GBP7: variants seen among roughly 807,000 people sequenced by gnomAD.
GBP7 encodes guanylate-binding protein 7.
GBP7 carries 43 observed loss-of-function variants against 61.3 expected under a neutral mutation model. That is an observed-to-expected ratio of 0.70 (90% CI 0.55 to 0.91). GBP7 has a LOEUF of 0.91. Ranked by LOEUF, GBP7 falls within the 40% of genes least tolerant of loss-of-function variation. GBP7 has a pLI of 0.00. For missense variants in GBP7, 717 were observed against 740.5 expected (o/e 0.97, Z 0.37); for synonymous variants, 267 against 271.0 (o/e 0.99, Z 0.14).
At chr1:89,151,804 A>G (rs550695721) in intron 5 of GBP7, among the ~76,000 whole-genome samples, 9 of 152,230 alleles carry the variant, frequency 5.9e-5, no homozygotes, top group Middle Eastern at 3.4e-3. Flanking sequence ...TAAAGGTTAT[A>G]AGTATCCAGG....
intron 2 of GBP7, 143 bp from the exon 3 acceptor site, chr1:89,165,001 C>A (rs941457722): frequency 1.3e-5 from 10 of 766,264 alleles, no homozygotes; most frequent in East Asian, 5.6e-5. Flanking sequence ...TCAATCAAAT[C>A]TTTATTTGTA....
chr1:89,170,488 G>C (rs1337867291), intron 2 of GBP7, among the ~76,000 whole-genome samples: 2 of 152,146 alleles, frequency 1.3e-5, no homozygotes, highest in Non-Finnish European at 2.9e-5. Flanking sequence ...GCTCAAATGT[G>C]GCTAAAATGG....
At position 89,152,715 on chromosome 1, in the gene GBP7, G is replaced by A. The variant is rs749871302; in HGVS notation, c.381C>T (p.Val127=). Residue 127 remains valine (V), a synonymous_variant, in exon 4 of 11, where the codon GTC becomes GTT. Coordinates refer to ENST00000294671, the MANE Select transcript of GBP7 (RefSeq NM_207398.3). ...GGTTGATGGTGCCCATGCTGTTGTAGACAAAGCTGCTGCTTAGAAGCACAG... is the reference window on the plus strand; with the variant it reads ...GGTTGATGGTGCCCATGCTGTTGTAAACAAAGCTGCTGCTTAGAAGCACAG... ...ALAVLLSSSF[V]YNSMGTINHQ... 1 of 1,611,566 alleles carries A rather than the reference G, an allele frequency of 6.2e-7. No individual in the cohort carries two copies. Among genetic ancestry groups the A allele is most frequent in the Non-Finnish European group, 8.5e-7 (1 of 1,179,674 alleles).
At chr1:89,143,321 G>A (rs1466687591) in intron 8 of GBP7, among the ~76,000 whole-genome samples, 2 of 152,146 alleles carry the variant, frequency 1.3e-5, no homozygotes, top group African/African-American at 2.4e-5. Flanking sequence ...TCAGAATTAA[G>A]CACTTTTTTC....
intron 3 of GBP7, among the ~76,000 whole-genome samples, chr1:89,158,579 AAG>A (rs1364368714): frequency 1.1e-4 from 17 of 150,658 alleles, no homozygotes; most frequent in South Asian, 2.1e-4. Flanking sequence ...GACAAACAGA[AAG>A]CCAAATCATG....
chr1:89,166,532 T>C (rs1288935366), intron 2 of GBP7, among the ~76,000 whole-genome samples: 1 of 152,194 alleles, frequency 6.6e-6, no homozygotes, highest in Non-Finnish European at 1.5e-5. Context: ...AGAAAATCCA[T>C]GAGGTATTAG....
chr1:89,144,174 C>T (rs1682015912), intron 8 of GBP7, among the ~76,000 whole-genome samples: 1 of 152,120 alleles, frequency 6.6e-6, no homozygotes, highest in African/African-American at 2.4e-5. Context: ...TAATGGCCTC[C>T]AGATGCATCC....
chr1:89,169,655 A>G (rs1179311010), intron 2 of GBP7, among the ~76,000 whole-genome samples: 1 of 152,208 alleles, frequency 6.6e-6, no homozygotes, highest in Non-Finnish European at 1.5e-5. Flanking sequence ...CTGAAGCTCT[A>G]TACACTAAAG....
rs187013830 is a variant in GBP7 at position 89,145,318 on chromosome 1, G to A, written c.1365+2249C>T. Among the ~76,000 whole-genome samples, 11 of 152,198 alleles carry A rather than the reference G, an allele frequency of 7.2e-5. No homozygotes were observed. In the East Asian group the frequency reaches 2.1e-3, roughly 29 times the overall value. On this transcript the variant is annotated intron_variant, in intron 8 of 10. Transcript: ENST00000294671. Reference sequence around the variant, plus strand: ...TGCAGTATTTGTCTTTCTAAGAATGGCTGATTTCACTAAGCATAATGTCCT... The same window carrying A: ...TGCAGTATTTGTCTTTCTAAGAATGACTGATTTCACTAAGCATAATGTCCT...
chr1:89,159,540 A>C (rs979655619), intron 3 of GBP7, among the ~76,000 whole-genome samples: 2 of 152,224 alleles, frequency 1.3e-5, no homozygotes, highest in South Asian at 2.1e-4. Flanking sequence ...ACCCCATCAA[A>C]AAGTGGGCGA....
At chr1:89,153,354 T>G (rs1259338897) in intron 3 of GBP7, among the ~76,000 whole-genome samples, 1 of 152,190 alleles carries the variant, frequency 6.6e-6, no homozygotes, top group Non-Finnish European at 1.5e-5. Context: ...TCAAGCTGTA[T>G]TTTTGCCATT....
At chr1:89,158,902 A>T (rs923590530) in intron 3 of GBP7, among the ~76,000 whole-genome samples, 2 of 152,222 alleles carry the variant, frequency 1.3e-5, no homozygotes, top group Admixed American at 1.3e-4. Flanking sequence ...CCGCATTGCC[A>T]AGAGAATCCT....
intron 1 of GBP7, among the ~76,000 whole-genome samples, chr1:89,173,262 CA>C (rs1209974658): frequency 3.3e-5 from 5 of 152,146 alleles, no homozygotes; most frequent in African/African-American, 1.2e-4. Flanking sequence ...TAGACCCACT[CA>C]GGGGCAAAGT....
chr1:89,134,436 C>A (rs984952234), intron 9 of GBP7, among the ~76,000 whole-genome samples: 1 of 152,162 alleles, frequency 6.6e-6, no homozygotes, highest in Admixed American at 6.5e-5. Flanking sequence ...CACTCCTCAT[C>A]GGTGTGTTGT....
Position 89,132,274 on chromosome 1 carries a change from C to G in GBP7, c.1792G>C (p.Asp598His). The G allele has an allele frequency of 6.2e-7, 1 of 1,614,046 alleles. No individual in the cohort carries two copies. The highest frequency in any genetic ancestry group is 2.2e-5 in the East Asian group (1 of 44,868). ...EEPSVFSQIL[D>H]VAGSIFIAAL... ...GCAATAAATATACTGCCAGCCACAT[C>G]AAGAATCTGTGAAAACACTGAGGGC... is the stretch of plus-strand genomic sequence containing the variant. Residue 598 changes from aspartate to histidine, a missense_variant, in exon 11 of 11, where the codon GAT (aspartate) becomes CAT (histidine). Transcript: ENST00000294671.
intron 3 of GBP7, among the ~76,000 whole-genome samples, chr1:89,163,394 G>A (rs1647327966): frequency 1.3e-5 from 2 of 151,064 alleles, no homozygotes; most frequent in South Asian, 4.2e-4. Context: ...TCTGTTTCTG[G>A]GCTTTTTTTT....
At chr1:89,154,942 C>A (rs576496693) in intron 3 of GBP7, among the ~76,000 whole-genome samples, 1 of 152,240 alleles carries the variant, frequency 6.6e-6, no homozygotes, top group South Asian at 2.1e-4. Context: ...AACTGGGAGG[C>A]ACCTCCCAGT....
chr1:89,175,654 A>G (rs1261316137), intron 1 of GBP7, among the ~76,000 whole-genome samples: 1 of 152,214 alleles, frequency 6.6e-6, no homozygotes, highest in African/African-American at 2.4e-5. Flanking sequence ...TTTAAAGATA[A>G]CAGTAATTTA....
intron 9 of GBP7, 95 bp from the exon 10 acceptor site, chr1:89,133,546 C>A: frequency 2.1e-6 from 2 of 964,740 alleles, no homozygotes; most frequent in Non-Finnish European, 1.6e-6. Flanking sequence ...AGAGCTTCTC[C>A]CACTGAGAGA....
Sources: gnomAD v4.1 joint callset for allele counts (sites outside exome capture counted in the v4.1 genomes callset) on GRCh38, gnomAD v4.1.1 for gene constraint, MANE v1.5 for transcripts, NCBI Gene and HGNC (gene_info 2026-07-23, HGNC 2026-07-21) for gene names.